Variants in SPTBN4 observed in about 807,000 individuals in gnomAD.
SPTBN4 encodes the protein spectrin beta chain, non-erythrocytic 4.
A neutral mutation model predicts 277.8 loss-of-function variants in SPTBN4; 96 were observed. The observed-to-expected ratio is 0.35, with a 90% CI of 0.29 to 0.41. SPTBN4 has a LOEUF of 0.41. Ranked by LOEUF, SPTBN4 falls within the 10% of genes least tolerant of loss-of-function variation. The pLI, the probability that SPTBN4 is intolerant of heterozygous loss-of-function variation, is 1.00. For missense variants in SPTBN4, 3,006 were observed against 3,595.7 expected (o/e 0.84, Z 4.19); for synonymous variants, 1,481 against 1,580.3 (o/e 0.94, Z 1.49).
At chr19:40,558,313 C>T (rs543784336) in intron 26 of SPTBN4, among the ~76,000 whole-genome samples, 33 of 150,882 alleles carry the variant, frequency 2.2e-4, no homozygotes, top group Admixed American at 4.6e-4. Context: ...GCCGAGATCG[C>T]GCCACTGCAC....
At chr19:40,541,148 GT>G (rs1156670799) in intron 20 of SPTBN4, among the ~76,000 whole-genome samples, 1 of 152,142 alleles carries the variant, frequency 6.6e-6, no homozygotes, top group Non-Finnish European at 1.5e-5. Flanking sequence ...TACTATTTAG[GT>G]TTTAGAGGAA....
At chr19:40,507,955 G>A (rs531274830) in intron 13 of SPTBN4, among the ~76,000 whole-genome samples, 22 of 152,336 alleles carry the variant, frequency 1.4e-4, no homozygotes, top group Non-Finnish European at 2.1e-4. Flanking sequence ...TCAGCCCCAG[G>A]TATACAGCCT....
chr19:40,484,722 T>C (rs2145818836), intron 2 of SPTBN4, among the ~76,000 whole-genome samples: 1 of 151,820 alleles, frequency 6.6e-6, no homozygotes, highest in South Asian at 2.1e-4. Context: ...GGTCAGGAGA[T>C]GGAGACCATC....
In SPTBN4 at chr19:40,527,040, G is replaced by T. The variant is rs1404931560; in HGVS notation, c.3858-2001G>T. Among the ~76,000 whole-genome samples the T allele has an allele frequency of 2.6e-5, 4 of 152,124 alleles. No homozygotes were observed. In the East Asian group the frequency reaches 7.7e-4, roughly 29 times the overall value. The stretch of plus-strand genomic sequence containing the variant: ...CTTTCCTGGCTCCTAAGCTAAGTTG[G>T]GCAGGAGGCAGTCAGTGCTTCGCTT... On this transcript the variant is annotated intron_variant, in intron 17 of 35. Transcript: ENST00000598249.
At position 40,556,279 on chromosome 19, in the gene SPTBN4, G is replaced by T. The variant is rs1221530174; in HGVS notation, c.5280G>T (p.Glu1760Asp). The change falls in exon 25 of 36, where the codon GAG becomes GAT. Residue 1760 changes from glutamate (E) to aspartate (D), a missense_variant. Around this residue, in one of 5 missense-constraint regions of SPTBN4, gnomAD observed 425 missense variants for 594.7 expected, o/e 0.71. Coordinates refer to ENST00000598249, the MANE Select transcript of SPTBN4 (RefSeq NM_020971.3). The stretch of plus-strand genomic sequence containing the variant: ...CACCCGAGCTCGGCCAGGACTTTGA[G>T]CATGTCTCGGTGAGCATCATTAGTA... ...AGSPELGQDF[E>D]HVSVLQEKFS... is the part of the protein sequence containing the mutation. 6.2e-7 allele frequency: 1 copy of T among 1,612,242 alleles called. No individual in the cohort carries two copies. Among genetic ancestry groups the T allele is most frequent in the Non-Finnish European group, 8.5e-7 (1 of 1,179,282 alleles).
chr19:40,575,296 C>G (rs1279009803), intron 35 of SPTBN4, 115 bp from the exon 36 acceptor site: 1 of 1,269,414 alleles, frequency 7.9e-7, no homozygotes, highest in African/African-American at 1.5e-5. Flanking sequence ...ATCATCATCC[C>G]TTTTTAATAG....
At chr19:40,487,185 C>T (rs964749159) in intron 2 of SPTBN4, among the ~76,000 whole-genome samples, 2 of 151,460 alleles carry the variant, frequency 1.3e-5, no homozygotes, top group African/African-American at 4.9e-5. Flanking sequence ...AACAGGCATG[C>T]ACCACCATGC....
In SPTBN4 at chr19:40,520,138, T is replaced by C. The variant is rs960582059; in HGVS notation, c.3641T>C (p.Val1214Ala). 2.1e-6 allele frequency: 3 copies of C among 1,438,448 alleles called. No homozygotes were observed. Among genetic ancestry groups the C allele is most frequent in the Non-Finnish European group, 2.7e-6 (3 of 1,096,524 alleles). 89.1% of individuals were successfully genotyped at this position (1,438,448 alleles called of 1,614,324 possible). ...FLRDLRQALV[V>A]LRNQEMALSG... ...CGGGATCTACGCCAGGCGCTCGTGG[T>C]GCTGCGTAACCAGGTGCCCACTCGG... is the stretch of plus-strand genomic sequence containing the variant. Residue 1214 changes from valine to alanine, a missense_variant, in exon 16 of 36, where the codon GTG becomes GCG. Transcript: ENST00000598249.
intron 3 of SPTBN4, 105 bp downstream of exon 3, chr19:40,487,953 G>C: frequency 7.5e-7 from 1 of 1,327,776 alleles, no homozygotes; most frequent in South Asian, 1.6e-5. Flanking sequence ...CTGGCTCATG[G>C]GCGAGTGGAA....
At chr19:40,487,672 G>A in intron 2 of SPTBN4, 25 bp from the exon 3 acceptor site, 1 of 1,596,712 alleles carries the variant, frequency 6.3e-7, no homozygotes. Flanking sequence ...AAGCGCCTGG[G>A]GGCTCATCAG....
intron 35 of SPTBN4, 104 bp downstream of exon 35, chr19:40,572,484 C>T (rs2081164405): frequency 9.2e-6 from 13 of 1,413,686 alleles, no homozygotes; most frequent in Non-Finnish European, 1.1e-5. Context: ...CACTCACAGG[C>T]CAGAGTTATC....
intron 27 of SPTBN4, among the ~76,000 whole-genome samples, chr19:40,561,376 C>G (rs1273328428): frequency 6.6e-6 from 1 of 152,120 alleles, no homozygotes; most frequent in African/African-American, 2.4e-5. Flanking sequence ...TCAGGGACAC[C>G]TGGCATTGCT....
At chr19:40,520,223 T>C in intron 16 of SPTBN4, 72 bp downstream of exon 16, 1 of 455,792 alleles carries the variant, frequency 2.2e-6, no homozygotes, top group Non-Finnish European at 3.0e-6. Flanking sequence ...GACAGGGACA[T>C]GCGGGGGTGG....
rs2080126245 is a variant in SPTBN4, at chr19:40,490,614, G to A, written c.495+366G>A. Among the ~76,000 whole-genome samples, 2 of 152,146 alleles carry A rather than the reference G, an allele frequency of 1.3e-5. No homozygotes were observed. Among genetic ancestry groups the A allele is most frequent in the Admixed American group, 1.3e-4 (2 of 15,256 alleles). ...GTGTTGGAGCTGAAATTCGAATCCAGGCAATCTTGATCCAGTATAGAGACA... is the reference window on the plus strand; with the variant it reads ...GTGTTGGAGCTGAAATTCGAATCCAAGCAATCTTGATCCAGTATAGAGACA... On this transcript the variant is annotated intron_variant, in intron 4 of 35. Coordinates refer to ENST00000598249, the MANE Select transcript of SPTBN4 (RefSeq NM_020971.3). This position sits in a 1 kb window ranked among gnomAD's most constrained non-coding sequence, Gnocchi z 4.3.
intron 13 of SPTBN4, among the ~76,000 whole-genome samples, chr19:40,508,974 G>A (rs1222248516): frequency 6.6e-6 from 1 of 152,034 alleles, no homozygotes; most frequent in East Asian, 1.9e-4. Context: ...CTGTGCTCAG[G>A]CAAGATTATG....
At chr19:40,571,715 T>G in intron 33 of SPTBN4, 12 of 260,036 alleles carry the variant, frequency 4.6e-5, no homozygotes, top group Non-Finnish European at 4.3e-5. Flanking sequence ...GTGGGGAGGA[T>G]TGAGTGGAGC....
At chr19:40,520,178 A>G in intron 16 of SPTBN4, 27 bp downstream of exon 16, 1 of 1,305,172 alleles carries the variant, frequency 7.7e-7, no homozygotes. Context: ...TACATTTCGG[A>G]GAGGGAGAGT....
intron 15 of SPTBN4, among the ~76,000 whole-genome samples, chr19:40,516,693 A>G (rs950296962): frequency 2.6e-5 from 4 of 152,118 alleles, no homozygotes; most frequent in African/African-American, 4.8e-5. Context: ...GCATGGTGGC[A>G]TGTGCCTGTA....
chr19:40,506,062 G>A (rs1221986150), intron 12 of SPTBN4, among the ~76,000 whole-genome samples, 174 bp from the exon 13 acceptor site: 46 of 152,172 alleles, frequency 3.0e-4, no homozygotes, highest in Admixed American at 3.0e-3. Context: ...TGAGGAAACC[G>A]AGGTCCAGGC....
Sources: allele counts gnomAD v4.1 joint callset (sites outside exome capture counted in the v4.1 genomes callset), GRCh38; gene constraint gnomAD v4.1.1; regional missense constraint gnomAD v4.1.1; non-coding constraint Gnocchi (gnomAD v3.1); transcripts MANE v1.5; gene names NCBI Gene and HGNC (gene_info 2026-07-23, HGNC 2026-07-21).